The following CLIP4 variants were observed in gnomAD, a reference collection of about 807,000 sequenced individuals.
The protein encoded by CLIP4 is CAP-Gly domain-containing linker protein 4.
Under a neutral mutation model 73.1 loss-of-function variants are expected in CLIP4, and 47 were observed. The ratio of observed to expected loss-of-function variants is 0.64; its 90% CI spans 0.51 to 0.82. CLIP4 has a LOEUF of 0.82. Ranked by LOEUF, CLIP4 falls within the 40% of genes least tolerant of loss-of-function variation. CLIP4 has a pLI of 0.00. For synonymous variants in CLIP4, 306 were observed against 295.4 expected (o/e 1.04, Z -0.37); for missense variants, 874 against 852.9 (o/e 1.02, Z -0.31).
rs1305431146 is a variant in CLIP4, at chr2:29,183,744, A to C, written c.*1851A>C. The C allele has an allele frequency of 6.6e-6, 1 of 152,290 alleles. No individual in the cohort carries two copies. The highest frequency in any genetic ancestry group is 2.4e-5 in the African/African-American group (1 of 41,448). The allele number at this position is 152,290 out of a possible 1,614,324, so 9.4% of individuals were successfully genotyped here. On this transcript the variant is annotated 3_prime_UTR_variant, in exon 16 of 16. Transcript: ENST00000320081. ...AGGTGTTTTCATTTGTGTTTTGCTTATGAAATGTCATTTAAAGTTCACTTC... is the reference window on the plus strand; with the variant it reads ...AGGTGTTTTCATTTGTGTTTTGCTTCTGAAATGTCATTTAAAGTTCACTTC...
rs773017962 is a variant in CLIP4, at chr2:29,121,436, G to A, written c.48G>A (p.Leu16=). The change falls in exon 2 of 16, where the codon TTG becomes TTA. Residue 16 remains leucine (L), a synonymous_variant. Transcript: ENST00000320081. ...LPDFPLEGNP[L]FGRYPFIFSA... is the part of the protein sequence containing the mutation. Reference sequence around the variant, plus strand: ...ATTTTCCATTAGAAGGAAATCCTTTGTTTGGAAGATACCCATTTATATTTT... The same window carrying A: ...ATTTTCCATTAGAAGGAAATCCTTTATTTGGAAGATACCCATTTATATTTT... 5 of 1,613,478 alleles carry A rather than the reference G, an allele frequency of 3.1e-6. No homozygotes were observed. The highest frequency in any genetic ancestry group is 3.4e-6 in the Non-Finnish European group (4 of 1,179,782).
At chr2:29,156,270 A>G (rs1035499799) in intron 9 of CLIP4, 84 bp from the exon 10 acceptor site, 8 of 821,266 alleles carry the variant, frequency 9.7e-6, no homozygotes, top group Non-Finnish European at 1.1e-5. Context: ...GATTTCGATA[A>G]TGAGGGATGC....
chr2:29,146,670 G>GTAT (rs1388543428), intron 8 of CLIP4, among the ~76,000 whole-genome samples: 1 of 152,126 alleles, frequency 6.6e-6, no homozygotes, highest in African/African-American at 2.4e-5. Context: ...AGGTGGTGTG[G>GTAT]TATGATGATG....
At chr2:29,105,801 T>G (rs895952849) in intron 1 of CLIP4, among the ~76,000 whole-genome samples, 1 of 152,132 alleles carries the variant, frequency 6.6e-6, no homozygotes, top group African/African-American at 2.4e-5. Flanking sequence ...CACTGAAAAA[T>G]GGCTGTCTGT....
chr2:29,127,830 G>T lies in CLIP4; in HGVS notation c.134-3428G>T, dbSNP rs528500350. ...AAATCACTGTCTGTAGATGGCAAAA[G>T]ATTTAAAATGTCCATAGTTACAGAT... On this transcript the variant is annotated intron_variant, in intron 2 of 15. Transcript: ENST00000320081. Among the ~76,000 whole-genome samples, 64 of 152,188 alleles carry T rather than the reference G, an allele frequency of 4.2e-4. No individual in the cohort carries two copies. The South Asian group carries it at 0.013, about 31-fold the overall frequency.
At chr2:29,153,968 G>T (rs975407695) in intron 9 of CLIP4, among the ~76,000 whole-genome samples, 1 of 152,106 alleles carries the variant, frequency 6.6e-6, no homozygotes, top group Non-Finnish European at 1.5e-5. Flanking sequence ...TTCTGTTGAG[G>T]TTTTATCTGA....
At chr2:29,177,807 A>C (rs1421700973) in intron 15 of CLIP4, among the ~76,000 whole-genome samples, 1 of 152,224 alleles carries the variant, frequency 6.6e-6, no homozygotes, top group African/African-American at 2.4e-5. Context: ...TACCTAGAAC[A>C]TAGCCCCATG....
intron 8 of CLIP4, among the ~76,000 whole-genome samples, chr2:29,149,410 C>CTTTTT (rs71403647): frequency 7.2e-6 from 1 of 138,334 alleles, no homozygotes; most frequent in Non-Finnish European, 1.5e-5. Flanking sequence ...TTCTCCTTTT[C>CTTTTT]TTTTTTTTTT....
chr2:29,145,948 C>T (rs949475263), intron 8 of CLIP4, among the ~76,000 whole-genome samples: 4 of 152,188 alleles, frequency 2.6e-5, no homozygotes, highest in African/African-American at 9.7e-5. Flanking sequence ...TCCCAAAGTG[C>T]AGGGATTACA....
intron 12 of CLIP4, 31 bp from the exon 13 acceptor site, chr2:29,163,800 A>C (rs776716792): frequency 1.9e-6 from 3 of 1,600,212 alleles, no homozygotes; most frequent in Non-Finnish European, 8.5e-7. Context: ...TAAAGTACAG[A>C]TGCTTTTGAA....
At chr2:29,152,882 A>G (rs550781007) in intron 9 of CLIP4, 54 bp downstream of exon 9, 2 of 1,579,196 alleles carry the variant, frequency 1.3e-6, no homozygotes, top group East Asian at 2.3e-5. Flanking sequence ...TTTTATTTGT[A>G]GAATTCCTAA....
chr2:29,141,085 C>T (rs1665735264), intron 6 of CLIP4, among the ~76,000 whole-genome samples: 1 of 152,032 alleles, frequency 6.6e-6, no homozygotes. Flanking sequence ...TCATTGTTTA[C>T]CCAAAAGTCA....
chr2:29,143,821 C>T lies in CLIP4; in HGVS notation c.761C>T (p.Ala254Val), dbSNP rs762227443. 4.9e-5 allele frequency: 79 copies of T among 1,613,858 alleles called. No homozygotes were observed. In the East Asian group the frequency reaches 1.3e-3, roughly 26 times the overall value. ...AKEIKQMLLD[A>V]VPLSCNISKA... ...GAAATCAAGCAGATGCTTCTAGATG[C>T]GGTGCCTCTGTCATGTAACATCTCA... is the stretch of plus-strand genomic sequence containing the variant. Residue 254 changes from alanine (A) to valine (V), a missense_variant, in exon 7 of 16, where the codon GCG (alanine) becomes GTG (valine). By Grantham distance (64) the Ala-to-Val change is moderately conservative. Transcript: ENST00000320081.
intron 14 of CLIP4, among the ~76,000 whole-genome samples, chr2:29,168,078 G>A (rs1667745419): frequency 6.6e-6 from 1 of 152,098 alleles, no homozygotes; most frequent in African/African-American, 2.4e-5. Flanking sequence ...TGTCTGTATT[G>A]CATACTCTAT....
At chr2:29,156,189 A>G (rs58288500) in intron 9 of CLIP4, among the ~76,000 whole-genome samples, 165 bp from the exon 10 acceptor site, 1 of 152,324 alleles carries the variant, frequency 6.6e-6, no homozygotes, top group African/African-American at 2.4e-5. Context: ...CTCGTATGCT[A>G]GTGCTTATAC....
intron 6 of CLIP4, among the ~76,000 whole-genome samples, chr2:29,141,731 C>T (rs1665781733): frequency 1.3e-5 from 2 of 152,078 alleles, no homozygotes; most frequent in South Asian, 4.1e-4. Context: ...ATCTTGAAGA[C>T]AGCAGAAGGA....
At chr2:29,155,604 ATATTT>A (rs928560848) in intron 9 of CLIP4, among the ~76,000 whole-genome samples, 72 of 152,302 alleles carry the variant, frequency 4.7e-4, no homozygotes, top group African/African-American at 1.7e-3. Flanking sequence ...TTTAAAGAAA[ATATTT>A]TATAACTGAA....
At chr2:29,123,780 C>T (rs964219127) in intron 2 of CLIP4, among the ~76,000 whole-genome samples, 1 of 152,072 alleles carries the variant, frequency 6.6e-6, no homozygotes, top group Admixed American at 6.6e-5. Context: ...TTATATAATA[C>T]CAACTAATGA....
intron 13 of CLIP4, among the ~76,000 whole-genome samples, chr2:29,164,618 G>A (rs1464997960): frequency 2.6e-5 from 4 of 152,122 alleles, no homozygotes; most frequent in Non-Finnish European, 5.9e-5. Context: ...GCCTTTTAGC[G>A]GATGGGAAAT....
Sources: gnomAD v4.1 joint callset for allele counts (sites outside exome capture counted in the v4.1 genomes callset) on GRCh38, gnomAD v4.1.1 for gene constraint, MANE v1.5 for transcripts, NCBI Gene and HGNC (gene_info 2026-07-23, HGNC 2026-07-21) for gene names.